Variants in KYAT1 observed in about 807,000 individuals in gnomAD.
KYAT1 encodes the protein kynurenine--oxoglutarate transaminase 1.
A neutral mutation model predicts 52.4 loss-of-function variants in KYAT1; 47 were observed. That is an observed-to-expected ratio of 0.90 (90% CI 0.71 to 1.14). The LOEUF is 1.14. Ranked by LOEUF, KYAT1 falls within the 50% of genes most tolerant of loss-of-function variation. The probability of loss-of-function intolerance (pLI) is 0.00; values close to 1 mark genes in which losing one functional copy is unlikely to be tolerated. For synonymous variants in KYAT1, 212 were observed against 209.6 expected (o/e 1.01, Z -0.10); for missense variants, 480 against 557.9 (o/e 0.86, Z 1.41).
Position 128,836,868 on chromosome 9 carries a change from C to T in KYAT1, c.622G>A (p.Val208Met), listed in dbSNP as rs751100636. The T allele has an allele frequency of 6.8e-6, 11 of 1,613,884 alleles. No individual in the cohort carries two copies. Among genetic ancestry groups the T allele is most frequent in the African/African-American group, 4.0e-5 (3 of 74,916 alleles). ...TAGACTTCATCAGTGATACACACCA[C>T]GTCATGCTGCTGGCAAAGGCTGGCC... The part of the protein sequence containing the change: ...LVASLCQQHD[V>M]VCITDEVYQW... The change falls in exon 7 of 13, where the codon GTG becomes ATG. Residue 208 changes from valine (V) to methionine (M), a missense_variant. Coordinates refer to ENST00000302586, the MANE Select transcript of KYAT1 (RefSeq NM_004059.5).
intron 1 of KYAT1, among the ~76,000 whole-genome samples, chr9:128,850,409 T>C (rs1451047718): frequency 6.6e-6 from 1 of 152,202 alleles, no homozygotes; most frequent in African/African-American, 2.4e-5. Flanking sequence ...ACATGTGTTG[T>C]AGGGAACCAG....
Position 128,846,746 on chromosome 9 carries a change from G to A in KYAT1, c.-6-1335C>T, listed in dbSNP as rs771510519. 35 of 1,535,416 alleles carry A rather than the reference G, an allele frequency of 2.3e-5. 1 individual carries two copies. In the African/African-American group the frequency reaches 3.6e-4, roughly 16 times the overall value. ...TCCTCAGAATCCCTTCAGCAGCAGG[G>A]ACCTCACATGGGCTTTGTGGTCCCT... is the stretch of plus-strand genomic sequence containing the variant. On this transcript the variant is annotated intron_variant, in intron 1 of 12. Transcript: ENST00000302586.
At position 128,837,673 on chromosome 9, in the gene KYAT1, T is replaced by A; in HGVS notation, c.567+12A>T. On this transcript the variant is annotated intron_variant, in intron 6 of 12. Transcript: ENST00000302586. The stretch of plus-strand genomic sequence containing the variant: ...GTCCGCAGGGGGCCAGGGAAGGAGG[T>A]CCCTCCAGTACCTTGCCCAGGGGGT... The A allele has an allele frequency of 6.2e-7, 1 of 1,613,522 alleles. No homozygotes were observed. Among genetic ancestry groups the A allele is most frequent in the East Asian group, 2.2e-5 (1 of 44,866 alleles).
In KYAT1 at chr9:128,838,345, A is replaced by G. The variant is rs774384862; in HGVS notation, c.224T>C (p.Ile75Thr). 6 of 1,614,122 alleles carry G rather than the reference A, an allele frequency of 3.7e-6. No individual in the cohort carries two copies. The Admixed American group carries it at 8.3e-5, about 22-fold the overall frequency. ...KTFGYPPLTK[I>T]LASFFGELLG... ...CAGCTCCCCAAAGAAACTTGCCAGG[A>G]TCTTCGTCAGTGGTGGGTAACCCTG... The change falls in exon 4 of 13, where the codon ATC (isoleucine) becomes ACC (threonine). Residue 75 changes from isoleucine (I) to threonine (T), a missense_variant. Transcript: ENST00000302586.
intron 11 of KYAT1, 171 bp downstream of exon 11, chr9:128,835,152 A>G: frequency 1.1e-5 from 7 of 648,604 alleles, no homozygotes; most frequent in South Asian, 8.7e-5. Flanking sequence ...AAAAAAAAAG[A>G]AAGAAAAAAA....
chr9:128,867,314 G>C (rs1342618561), intron 1 of KYAT1, among the ~76,000 whole-genome samples: 1 of 152,028 alleles, frequency 6.6e-6, no homozygotes, highest in African/African-American at 2.4e-5. Flanking sequence ...CAAGTAGCTG[G>C]GACCACATGT....
chr9:128,861,102 G>A (rs1366174283), intron 1 of KYAT1, among the ~76,000 whole-genome samples: 5 of 152,188 alleles, frequency 3.3e-5, no homozygotes, highest in African/African-American at 1.2e-4. Flanking sequence ...AATTTGCAAA[G>A]ACCGTGATAT....
intron 1 of KYAT1, chr9:128,846,768 C>G (rs1235123398): frequency 6.5e-7 from 1 of 1,535,446 alleles, no homozygotes; most frequent in Non-Finnish European, 8.7e-7. Flanking sequence ...GCTTTGTGGT[C>G]CCTGAGGAAC....
chr9:128,870,143 G>T (rs1837030984), intron 1 of KYAT1, among the ~76,000 whole-genome samples: 1 of 151,986 alleles, frequency 6.6e-6, no homozygotes, highest in Non-Finnish European at 1.5e-5. Flanking sequence ...ATACCCAAAA[G>T]AACTGAAAAC....
intron 3 of KYAT1, among the ~76,000 whole-genome samples, chr9:128,839,550 G>A (rs971109998): frequency 4.6e-5 from 7 of 151,648 alleles, no homozygotes; most frequent in East Asian, 3.9e-4. Context: ...GCGTGAACCC[G>A]GGAGGCGGAG....
At chr9:128,840,684 G>A (rs1443427046) in intron 3 of KYAT1, 1 of 435,556 alleles carries the variant, frequency 2.3e-6, no homozygotes. Flanking sequence ...TATTGGCAGG[G>A]ATGTAAATGA....
chr9:128,873,666 G>C (rs1837557689), intron 1 of KYAT1, among the ~76,000 whole-genome samples: 1 of 151,992 alleles, frequency 6.6e-6, no homozygotes, highest in Non-Finnish European at 1.5e-5. Flanking sequence ...TCCCATCCCA[G>C]CTACTTGGGA....
intron 2 of KYAT1, among the ~76,000 whole-genome samples, chr9:128,843,038 G>C (rs1036118811): frequency 6.6e-6 from 1 of 152,142 alleles, no homozygotes. Flanking sequence ...ATGGTGGCAG[G>C]GGCCTGTAAT....
chr9:128,869,872 G>A (rs1011275739), intron 1 of KYAT1, among the ~76,000 whole-genome samples: 1 of 151,774 alleles, frequency 6.6e-6, no homozygotes, highest in African/African-American at 2.4e-5. Context: ...TCCTGCCTCA[G>A]CCTCCCGAGT....
At position 128,833,611 on chromosome 9, in the gene KYAT1, C is replaced by A; in HGVS notation, c.1242G>T (p.Lys414Asn). Residue 414 changes from lysine (K) to asparagine (N), a missense_variant, in exon 13 of 13, where the codon AAG (lysine) becomes AAT (asparagine). Physicochemically the swap from Lys to Asn is moderately conservative, Grantham distance 94 (BLOSUM62 0). Transcript: ENST00000302586. ...AGAGTTCCACCTTCCACTTCCGCAGCTTCTCGTCCATGGCCTGGAGCGTGG... is the reference window on the plus strand; with the variant it reads ...AGAGTTCCACCTTCCACTTCCGCAGATTCTCGTCCATGGCCTGGAGCGTGG... Reference protein sequence around the residue: ...DEATLQAMDEKLRKWKVEL With the variant: ...DEATLQAMDENLRKWKVEL 1 of 1,614,252 alleles carries A rather than the reference C, an allele frequency of 6.2e-7. No homozygotes were observed. The highest frequency in any genetic ancestry group is 1.1e-5 in the South Asian group (1 of 91,092).
At chr9:128,857,028 G>A (rs1443081096) in intron 1 of KYAT1, among the ~76,000 whole-genome samples, 1 of 152,250 alleles carries the variant, frequency 6.6e-6, no homozygotes. Context: ...TGAGATAGGA[G>A]AAAAACCGCC....
chr9:128,863,059 C>T (rs999468190), intron 1 of KYAT1, among the ~76,000 whole-genome samples: 2 of 151,922 alleles, frequency 1.3e-5, no homozygotes, highest in Non-Finnish European at 1.5e-5. Context: ...GAACTCCTGA[C>T]CTCATGATCC....
chr9:128,875,913 T>C (rs1837952927), intron 1 of KYAT1, among the ~76,000 whole-genome samples: 1 of 152,058 alleles, frequency 6.6e-6, no homozygotes, highest in Non-Finnish European at 1.5e-5. Flanking sequence ...GTGGAATGCA[T>C]CACTGATGCA....
In KYAT1 at chr9:128,838,044, T is replaced by C. The variant is rs150673064; in HGVS notation, c.438+7A>G. On this transcript the variant is annotated splice_region_variant and intron_variant, in intron 5 of 12. Coordinates refer to ENST00000302586, the MANE Select transcript of KYAT1 (RefSeq NM_004059.5). ...CTGCCCATCCATCCTCTACCTAGCA[T>C]CCTTACCGGCTTCAGGGACACAAAC... The C allele has an allele frequency of 5.8e-5, 94 of 1,613,806 alleles. No homozygotes were observed. The African/African-American group carries it at 9.7e-4, about 17-fold the overall frequency.
Sources: gnomAD v4.1 joint callset for allele counts (sites outside exome capture counted in the v4.1 genomes callset) on GRCh38, gnomAD v4.1.1 for gene constraint, MANE v1.5 for transcripts, NCBI Gene and HGNC (gene_info 2026-07-23, HGNC 2026-07-21) for gene names.